The following NOL4 variants were observed in gnomAD, a reference collection of about 807,000 sequenced individuals.
NOL4 encodes the protein nucleolar protein 4.
Under a neutral mutation model 75.9 loss-of-function variants are expected in NOL4, and 17 were observed. That is an observed-to-expected ratio of 0.22 (90% CI 0.15 to 0.34). The LOEUF is 0.34. NOL4 is among the 10% of genes least tolerant of loss of function. The pLI is 1.00. For missense variants in NOL4, 614 were observed against 793.5 expected, an observed-to-expected ratio of 0.77 and a Z score of 2.72; for synonymous variants, 292 against 289.9, an observed-to-expected ratio of 1.01 and a Z score of -0.07.
At chr18:34,141,063 T>C (rs62095781) in intron 1 of NOL4, among the ~76,000 whole-genome samples, 3,150 of 152,252 alleles carry the variant, frequency 0.021, 44 homozygotes, top group Admixed American at 0.039. Flanking sequence ...AGCCAAATCA[T>C]GAATGAACTC....
intron 5 of NOL4, among the ~76,000 whole-genome samples, chr18:34,035,056 A>G (rs1299720829): frequency 6.6e-6 from 1 of 152,106 alleles, no homozygotes; most frequent in African/African-American, 2.4e-5. Flanking sequence ...TACACCGATC[A>G]TCTAGACAGA....
intron 8 of NOL4, among the ~76,000 whole-genome samples, chr18:33,955,104 C>T (rs1375669267): frequency 6.6e-6 from 1 of 151,974 alleles, no homozygotes; most frequent in African/African-American, 2.4e-5. Flanking sequence ...AAGAGAAACA[C>T]ATAGTTATAC....
intron 1 of NOL4, among the ~76,000 whole-genome samples, chr18:34,164,912 T>TA (rs2032107297): frequency 6.6e-6 from 1 of 151,894 alleles, no homozygotes; most frequent in South Asian, 2.1e-4. Context: ...TATGCAGCCA[T>TA]AAAAAATGAT....
At chr18:33,872,652 TC>T (rs1417001618) in intron 10 of NOL4, among the ~76,000 whole-genome samples, 6 of 151,984 alleles carry the variant, frequency 3.9e-5, no homozygotes, top group Non-Finnish European at 7.4e-5. Context: ...TGGGAATGTT[TC>T]TTTGTGTTGT....
At chr18:34,005,634 C>T (rs757875691) in intron 6 of NOL4, among the ~76,000 whole-genome samples, 1 of 152,048 alleles carries the variant, frequency 6.6e-6, no homozygotes, top group Non-Finnish European at 1.5e-5. Flanking sequence ...AGAATGATCT[C>T]CACCTTCTGT....
intron 9 of NOL4, among the ~76,000 whole-genome samples, chr18:33,887,418 GTT>G (rs1318544518): frequency 2.9e-5 from 4 of 138,308 alleles, no homozygotes; most frequent in African/African-American, 1.1e-4. Flanking sequence ...AAGAAGGTGA[GTT>G]TTTTTTTTTT....
chr18:33,886,805 G>T (rs550543094), intron 9 of NOL4, among the ~76,000 whole-genome samples: 3 of 133,572 alleles, frequency 2.2e-5, no homozygotes, highest in African/African-American at 3.1e-5. Context: ...ATCTATATAC[G>T]TATATAGATA....
At chr18:33,977,912 C>CTG (rs1156774351) in intron 6 of NOL4, among the ~76,000 whole-genome samples, 4 of 152,110 alleles carry the variant, frequency 2.6e-5, no homozygotes, top group African/African-American at 9.7e-5. Context: ...CTCCTTCCCA[C>CTG]TGTGGAAGTC....
At chr18:33,959,325 C>T (rs1600058946) in intron 6 of NOL4, among the ~76,000 whole-genome samples, 1 of 152,136 alleles carries the variant, frequency 6.6e-6, no homozygotes, top group East Asian at 1.9e-4. Context: ...AATAAACTGG[C>T]TTTGATCACT....
At chr18:34,047,001 TC>T (rs927414839) in intron 5 of NOL4, among the ~76,000 whole-genome samples, 9 of 152,100 alleles carry the variant, frequency 5.9e-5, no homozygotes, top group African/African-American at 2.2e-4. Context: ...GTCTCCATTT[TC>T]TTAAGAGTAC....
chr18:34,081,839 G>C (rs2078024404), intron 5 of NOL4, among the ~76,000 whole-genome samples: 2 of 152,118 alleles, frequency 1.3e-5, no homozygotes, highest in Non-Finnish European at 2.9e-5. Context: ...ACAGATATAA[G>C]AAAATATGAA....
chr18:34,180,279 C>A (rs1019583250), intron 1 of NOL4, among the ~76,000 whole-genome samples: 2 of 151,504 alleles, frequency 1.3e-5, no homozygotes, highest in Admixed American at 6.6e-5. Context: ...TATACAAAAG[C>A]ATATGCTATC....
At chr18:34,079,790 AT>A (rs2077918681) in intron 5 of NOL4, among the ~76,000 whole-genome samples, 1 of 152,166 alleles carries the variant, frequency 6.6e-6, no homozygotes, top group South Asian at 2.1e-4. Context: ...TTTTGCTCCT[AT>A]TTAAAGCCAA....
chr18:33,952,834 G>T (rs1408728397), intron 8 of NOL4, among the ~76,000 whole-genome samples: 1 of 152,198 alleles, frequency 6.6e-6, no homozygotes, highest in African/African-American at 2.4e-5. Context: ...TGAGGCAGGA[G>T]AATGGCTTGA....
chr18:34,122,800 C>T (rs568316666), intron 2 of NOL4, among the ~76,000 whole-genome samples: 2 of 152,170 alleles, frequency 1.3e-5, no homozygotes, highest in African/African-American at 4.8e-5. Flanking sequence ...CATGCAGGCA[C>T]TTTAAGAAAT....
intron 1 of NOL4, among the ~76,000 whole-genome samples, chr18:34,151,674 AC>A (rs1216067617): frequency 6.6e-6 from 1 of 151,860 alleles, no homozygotes; most frequent in Non-Finnish European, 1.5e-5. Context: ...AATGTACAAA[AC>A]CAAGATTAAC....
chr18:34,158,476 C>T (rs2030849280), intron 1 of NOL4: 1 of 152,130 alleles, frequency 6.6e-6, no homozygotes, highest in Non-Finnish European at 1.5e-5. Flanking sequence ...CAAAAACTGA[C>T]CTCAAACACA....
intron 5 of NOL4, among the ~76,000 whole-genome samples, chr18:34,074,848 G>A (rs1245782934): frequency 6.6e-6 from 1 of 152,030 alleles, no homozygotes; most frequent in Non-Finnish European, 1.5e-5. Flanking sequence ...AGGGTTTAAT[G>A]TTTTAGCTTA....
chr18:33,855,184 A>G (rs1413680411), intron 10 of NOL4, among the ~76,000 whole-genome samples: 1 of 152,058 alleles, frequency 6.6e-6, no homozygotes, highest in Non-Finnish European at 1.5e-5. Context: ...GGGGTTGAGC[A>G]AGGAATCAAG....
Sources: gnomAD v4.1 joint callset for allele counts (sites outside exome capture counted in the v4.1 genomes callset) on GRCh38, gnomAD v4.1.1 for gene constraint, MANE v1.5 for transcripts, NCBI Gene and HGNC (gene_info 2026-07-23, HGNC 2026-07-21) for gene names.